The following CERS6 variants were observed in gnomAD, a reference collection of about 807,000 sequenced individuals.
CERS6 encodes the protein LAG1 homolog, ceramide synthase 6.
Under a neutral mutation model 56.8 loss-of-function variants are expected in CERS6, and 26 were observed. That is an observed-to-expected ratio of 0.46 (90% CI 0.34 to 0.63). The LOEUF is 0.63. CERS6 is among the 30% of genes least tolerant of loss of function. The pLI, the probability that CERS6 is intolerant of heterozygous loss-of-function variation, is 0.01. For synonymous variants in CERS6, 164 were observed against 173.3 expected, an observed-to-expected ratio of 0.95 and a Z score of 0.42; for missense variants, 415 against 467.5, an observed-to-expected ratio of 0.89 and a Z score of 1.04.
chr2:168,603,998 A>C (rs1345121138), intron 3 of CERS6, among the ~76,000 whole-genome samples: 4 of 152,214 alleles, frequency 2.6e-5, no homozygotes, highest in Non-Finnish European at 5.9e-5. Flanking sequence ...TTTTTGGTTT[A>C]CTTCTGCAGT....
At chr2:168,681,937 A>G (rs1289318704) in intron 4 of CERS6, among the ~76,000 whole-genome samples, 1 of 151,898 alleles carries the variant, frequency 6.6e-6, no homozygotes, top group African/African-American at 2.4e-5. Context: ...TATCCTCCAA[A>G]CTCATTCATA....
rs1436288785 is a variant in CERS6, at chr2:168,561,054, A to T, written c.277-138A>T. On this transcript the variant is annotated intron_variant, in intron 2 of 9. Transcript: ENST00000305747. ...GCTAGTGGAAGGCCTCGGTCCTCAG[A>T]GGTAAATATAGAAATCTCAGTAGCA... 6.1e-6 allele frequency: 5 copies of T among 814,124 alleles called. No homozygotes were observed. In the East Asian group the frequency reaches 1.3e-4, roughly 22 times the overall value. The allele number at this position is 814,124 out of a possible 1,614,324, so 50.4% of individuals were successfully genotyped here. A position where few individuals can be genotyped will look rare whatever the true frequency, so the allele number is the denominator to read the frequency against.
chr2:168,680,487 C>T (rs1474301533), intron 4 of CERS6, among the ~76,000 whole-genome samples: 1 of 152,090 alleles, frequency 6.6e-6, no homozygotes, highest in Non-Finnish European at 1.5e-5. Flanking sequence ...CCTCCATCTG[C>T]TCACTGACTA....
chr2:168,566,433 G>A (rs1695884672), intron 3 of CERS6, among the ~76,000 whole-genome samples: 1 of 152,120 alleles, frequency 6.6e-6, no homozygotes, highest in Non-Finnish European at 1.5e-5. Flanking sequence ...CAAAACCTGG[G>A]ACCCTTTCGA....
rs35865470 is a variant in CERS6, at chr2:168,645,142, T to TAGAGAGAGAGAG, written c.465+14137_465+14148dup. 1.3e-3 allele frequency among the ~76,000 whole-genome samples: 16 copies of TAGAGAGAGAGAG among 12,746 alleles called. 1 individual carries two copies. Among genetic ancestry groups the TAGAGAGAGAGAG allele is most frequent in the East Asian group, 5.5e-3 (2 of 362 alleles). The allele number at this position is 12,746 out of a possible 152,430, so 8.4% of individuals were successfully genotyped here. On this transcript the variant is annotated intron_variant, in intron 4 of 9. Transcript: ENST00000305747. ...ATATATATATATATATATATATATA[T>TAGAGAGAGAGAG]AGAGAGAGAGAGAGAGAGAGAGAGA...
intron 4 of CERS6, among the ~76,000 whole-genome samples, chr2:168,679,613 T>C (rs1343073017): frequency 6.6e-6 from 1 of 152,220 alleles, no homozygotes; most frequent in Non-Finnish European, 1.5e-5. Flanking sequence ...AAAAACAGTT[T>C]ATTTGAAAAT....
chr2:168,504,197 T>C (rs1694635130), intron 1 of CERS6, among the ~76,000 whole-genome samples: 1 of 151,830 alleles, frequency 6.6e-6, no homozygotes, highest in African/African-American at 2.4e-5. Flanking sequence ...ATTGCTTGAG[T>C]TCAAGAGTCA....
intron 4 of CERS6, among the ~76,000 whole-genome samples, chr2:168,661,057 G>C (rs567743565): frequency 1.3e-5 from 2 of 152,100 alleles, no homozygotes; most frequent in Non-Finnish European, 2.9e-5. Flanking sequence ...GAGGCGGGAG[G>C]GGGTGGGGCA....
intron 3 of CERS6, among the ~76,000 whole-genome samples, chr2:168,580,524 T>G (rs901686471): frequency 6.6e-6 from 1 of 152,242 alleles, no homozygotes; most frequent in Non-Finnish European, 1.5e-5. Context: ...ATGCCTTTTA[T>G]TCTGTATTTT....
At chr2:168,718,063 G>C in intron 8 of CERS6, 85 bp downstream of exon 8, 1 of 918,172 alleles carries the variant, frequency 1.1e-6, no homozygotes, top group Non-Finnish European at 1.7e-6. Context: ...TTTACTGTAA[G>C]TATTTACAGG....
In CERS6 at chr2:168,518,456, TAGCTAATGCTTA is replaced by T. The variant is rs1694921691; in HGVS notation, c.171-29138_171-29127del. Among the ~76,000 whole-genome samples the T allele has an allele frequency of 2.6e-5, 4 of 152,236 alleles. No individual in the cohort carries two copies. In the South Asian group the frequency reaches 8.3e-4, roughly 32 times the overall value. On this transcript the variant is annotated intron_variant, in intron 1 of 9. Coordinates refer to ENST00000305747, the MANE Select transcript of CERS6 (RefSeq NM_203463.3). ...ATCTATGGGATTTCTGAATATTTCA[TAGCTAATGCTTA>T]AATGACTTACTCCATACTTTGCTAG... is the stretch of plus-strand genomic sequence containing the variant.
intron 4 of CERS6, among the ~76,000 whole-genome samples, chr2:168,645,138 TATATAGAGAGAGAG>T (rs1157050113): frequency 8.3e-4 from 25 of 30,024 alleles, no homozygotes; most frequent in African/African-American, 3.3e-3. Context: ...TATATATATA[TATATAGAGAGAGAG>T]AGAGAGAGAG....
At chr2:168,670,622 A>G (rs17249675) in intron 4 of CERS6, among the ~76,000 whole-genome samples, 59,238 of 152,014 alleles carry the variant, frequency 0.39, 12,289 homozygotes, top group South Asian at 0.47. Context: ...GACATAGTCA[A>G]AACAGAAAAG....
chr2:168,565,497 A>C (rs556324470), intron 3 of CERS6, among the ~76,000 whole-genome samples: 1 of 152,366 alleles, frequency 6.6e-6, no homozygotes, highest in African/African-American at 2.4e-5. Flanking sequence ...CCTGAGGGTC[A>C]AAATGTAAAG....
At chr2:168,516,840 G>A (rs1162410749) in intron 1 of CERS6, among the ~76,000 whole-genome samples, 1 of 152,076 alleles carries the variant, frequency 6.6e-6, no homozygotes, top group African/African-American at 2.4e-5. Context: ...TTTAGTTTCT[G>A]AACAATTCTT....
intron 3 of CERS6, among the ~76,000 whole-genome samples, chr2:168,589,169 A>G (rs189770579): frequency 6.6e-6 from 1 of 152,310 alleles, no homozygotes; most frequent in African/African-American, 2.4e-5. Flanking sequence ...AACAGTAAAC[A>G]AGGGTTCCAA....
intron 3 of CERS6, among the ~76,000 whole-genome samples, chr2:168,592,182 G>A (rs993422809): frequency 6.6e-6 from 1 of 152,218 alleles, no homozygotes; most frequent in Non-Finnish European, 1.5e-5. Flanking sequence ...TGGGGTGAGT[G>A]AACAATGTTT....
chr2:168,601,870 C>A (rs1274706996), intron 3 of CERS6, among the ~76,000 whole-genome samples: 4 of 152,172 alleles, frequency 2.6e-5, no homozygotes, highest in Non-Finnish European at 4.4e-5. Context: ...TATCTTAATA[C>A]CCTTAAAAAA....
intron 6 of CERS6, among the ~76,000 whole-genome samples, chr2:168,713,919 C>T (rs766870802): frequency 2.2e-4 from 33 of 151,962 alleles, no homozygotes; most frequent in Admixed American, 2.6e-4. Flanking sequence ...TCTGAGATAA[C>T]AGAAAACAAT....
Sources: allele counts gnomAD v4.1 joint callset (sites outside exome capture counted in the v4.1 genomes callset), GRCh38; gene constraint gnomAD v4.1.1; transcripts MANE v1.5; gene names NCBI Gene and HGNC (gene_info 2026-07-23, HGNC 2026-07-21).